Variants in PPP1CC observed in about 807,000 individuals in gnomAD.
The protein encoded by PPP1CC is serine/threonine-protein phosphatase PP1-gamma catalytic subunit.
In PPP1CC, 16 loss-of-function variants were observed where a neutral mutation model predicts 38.4. The observed-to-expected ratio is 0.42, with a 90% confidence interval of 0.28 to 0.63. The LOEUF (loss-of-function observed/expected upper bound fraction) is 0.63, where lower values mean the gene tolerates loss of function less well. Ranked by LOEUF, PPP1CC falls within the 30% of genes least tolerant of loss-of-function variation. The pLI is 0.25. For synonymous variants in PPP1CC, 158 were observed against 136.0 expected, an observed-to-expected ratio of 1.16 and a Z score of -1.13; for missense variants, 170 against 391.3, an observed-to-expected ratio of 0.43 and a Z score of 4.77.
At chr12:110,708,923 T>C in the PPP1CC span, among the ~76,000 whole-genome samples, 4 of 151,148 alleles carry the variant, frequency 2.6e-5, no homozygotes, top group Non-Finnish European at 5.9e-5. Context: ...TCTAGGTTGA[T>C]ACTGCCCCAG....
downstream of PPP1CC, among the ~76,000 whole-genome samples, chr12:110,719,151 T>C (rs2136534407): frequency 6.6e-6 from 1 of 152,306 alleles, no homozygotes; most frequent in African/African-American, 2.4e-5. Flanking sequence ...GTTTTCTTCC[T>C]ATAGTCAAAG....
At chr12:110,714,805 C>CAAA (rs1164975036), downstream of PPP1CC, among the ~76,000 whole-genome samples, 1,875 of 22,036 alleles carry the variant, frequency 0.085, 241 homozygotes, top group Non-Finnish European at 0.097. Context: ...GACTCTGTCT[C>CAAA]AAAAAAAAAA....
intron 6 of PPP1CC, 46 bp from the exon 7 acceptor site, chr12:110,721,211 A>T: frequency 6.6e-7 from 1 of 1,505,302 alleles, no homozygotes; most frequent in Middle Eastern, 1.7e-4. Flanking sequence ...ACTCAACCCC[A>T]AATCTTAAGA....
At chr12:110,730,415 AGAT>A in intron 3 of PPP1CC, 111 bp downstream of exon 3, 1 of 855,680 alleles carries the variant, frequency 1.2e-6, no homozygotes, top group South Asian at 1.8e-5. Context: ...AAAACATGAG[AGAT>A]GATACCACTG....
chr12:110,734,419 C>T (rs978593876), intron 1 of PPP1CC, among the ~76,000 whole-genome samples: 3 of 152,220 alleles, frequency 2.0e-5, no homozygotes, highest in African/African-American at 7.2e-5. Context: ...TCTCGGCTCA[C>T]TGCAACCTCC....
At chr12:110,737,698 A>G (rs2069963324) in intron 1 of PPP1CC, among the ~76,000 whole-genome samples, 1 of 151,974 alleles carries the variant, frequency 6.6e-6, no homozygotes, top group South Asian at 2.1e-4. Flanking sequence ...TAATCCCAGC[A>G]CTTTGGGAGG....
intron 1 of PPP1CC, among the ~76,000 whole-genome samples, chr12:110,737,217 C>T (rs907184434): frequency 1.3e-5 from 2 of 152,066 alleles, no homozygotes; most frequent in African/African-American, 2.4e-5. Context: ...GTGTCTAACG[C>T]CTGTAATCCC....
At chr12:110,708,607 GGGA>G in the PPP1CC span, among the ~76,000 whole-genome samples, 8 of 152,100 alleles carry the variant, frequency 5.3e-5, no homozygotes, top group Admixed American at 2.0e-4. Context: ...CCAGCACTTT[GGGA>G]GGCCAAGGTA....
At chr12:110,724,042 T>C (rs937369259) in intron 4 of PPP1CC, among the ~76,000 whole-genome samples, 8 of 151,398 alleles carry the variant, frequency 5.3e-5, no homozygotes, top group Non-Finnish European at 8.8e-5. Context: ...ATTGAGACCA[T>C]CCTGGCTAAC....
intron 1 of PPP1CC, among the ~76,000 whole-genome samples, chr12:110,739,099 C>T (rs1449776327): frequency 1.3e-5 from 2 of 152,092 alleles, no homozygotes; most frequent in African/African-American, 4.8e-5. Context: ...GCGGGCAGAC[C>T]ACTTGAGGTC....
intron 1 of PPP1CC, among the ~76,000 whole-genome samples, chr12:110,739,397 T>A (rs1810956825): frequency 6.6e-6 from 1 of 152,070 alleles, no homozygotes; most frequent in African/African-American, 2.4e-5. Flanking sequence ...TAAGAAACCT[T>A]CCCCTTTTTA....
At chr12:110,709,926 A>G in the PPP1CC span, among the ~76,000 whole-genome samples, 1 of 128,440 alleles carries the variant, frequency 7.8e-6, no homozygotes, top group Middle Eastern at 4.0e-3. Context: ...AAAACAAAAA[A>G]CTCCAAAATA....
the PPP1CC span, among the ~76,000 whole-genome samples, chr12:110,713,775 A>T: frequency 6.6e-6 from 1 of 152,178 alleles, no homozygotes; most frequent in Non-Finnish European, 1.5e-5. Context: ...CTTAAGAGGA[A>T]TTCTGGTTTT....
intron 3 of PPP1CC, among the ~76,000 whole-genome samples, chr12:110,727,458 C>T (rs559660509): frequency 6.6e-6 from 1 of 152,134 alleles, no homozygotes; most frequent in Non-Finnish European, 1.5e-5. Context: ...AGGGTAATCG[C>T]CTAGCTTCCA....
At position 110,720,217 on chromosome 12, in the gene PPP1CC, T is replaced by C. The variant is rs763410668; in HGVS notation, c.*859A>G. The C allele has an allele frequency of 5.9e-5, 91 of 1,538,460 alleles. No homozygotes were observed. The highest frequency in any genetic ancestry group is 7.9e-5 in the Non-Finnish European group (90 of 1,145,710). ...AGGCCTGATGCAACTGTAAAAAGAT[T>C]ACTTAATGAATAGACTATATGGAAA... On this transcript the variant is annotated 3_prime_UTR_variant, in exon 7 of 7. Transcript: ENST00000335007.
chr12:110,709,145 TGATA>T, the PPP1CC span, among the ~76,000 whole-genome samples: 5 of 151,726 alleles, frequency 3.3e-5, no homozygotes, highest in Admixed American at 2.6e-4. Flanking sequence ...AACACACAAA[TGATA>T]GATACAAACC....
the PPP1CC span, among the ~76,000 whole-genome samples, chr12:110,714,434 G>T: frequency 6.6e-6 from 1 of 151,960 alleles, no homozygotes; most frequent in East Asian, 1.9e-4. Flanking sequence ...ACAGCCTCCT[G>T]AGCGGAGGAC....
At chr12:110,728,993 A>AG (rs912608581) in intron 3 of PPP1CC, among the ~76,000 whole-genome samples, 5 of 152,150 alleles carry the variant, frequency 3.3e-5, no homozygotes, top group African/African-American at 1.2e-4. Flanking sequence ...GGTCTAGGGG[A>AG]GGGCCACAGG....
Position 110,722,907 on chromosome 12 carries a change from G to A in PPP1CC, c.524-212C>T, listed in dbSNP as rs1447446427. On this transcript the variant is annotated intron_variant, in intron 4 of 6. Transcript: ENST00000335007. The surrounding 1 kb of genome is among the most constrained non-coding windows in gnomAD (Gnocchi z 5.4). ...CTAGAATTACATGCAGTAATGCATGGGGTGCAGTAGGTTTAAACAGTACAT... is the reference window on the plus strand; with the variant it reads ...CTAGAATTACATGCAGTAATGCATGAGGTGCAGTAGGTTTAAACAGTACAT... 2.0e-5 allele frequency among the ~76,000 whole-genome samples: 3 copies of A among 152,168 alleles called. No individual in the cohort carries two copies. The highest frequency in any genetic ancestry group is 1.5e-5 in the Non-Finnish European group (1 of 68,030).
Sources: allele counts gnomAD v4.1 joint callset (sites outside exome capture counted in the v4.1 genomes callset), GRCh38; gene constraint gnomAD v4.1.1; non-coding constraint Gnocchi (gnomAD v3.1); transcripts MANE v1.5; gene names NCBI Gene and HGNC (gene_info 2026-07-23, HGNC 2026-07-21).